NCK2: variants seen among roughly 807,000 people sequenced by gnomAD.
The protein encoded by NCK2 is cytoplasmic protein NCK2.
Under a neutral mutation model 33.9 loss-of-function variants are expected in NCK2, and 16 were observed. The observed-to-expected ratio is 0.47, with a 90% CI of 0.32 to 0.72. NCK2 has a LOEUF of 0.72. Ranked by LOEUF, NCK2 falls within the 30% of genes least tolerant of loss-of-function variation. The pLI, the probability that NCK2 is intolerant of heterozygous loss-of-function variation, is 0.03. For synonymous variants in NCK2, 273 were observed against 239.9 expected (o/e 1.14, Z -1.27); for missense variants, 418 against 537.3 (o/e 0.78, Z 2.19).
intron 1 of NCK2, among the ~76,000 whole-genome samples, chr2:105,782,559 G>C (rs940709558): frequency 6.6e-6 from 1 of 152,190 alleles, no homozygotes; most frequent in African/African-American, 2.4e-5. Flanking sequence ...TCTCACTCTT[G>C]AACTCCATGC....
chr2:105,834,756 C>A (rs575401303), intron 2 of NCK2, among the ~76,000 whole-genome samples: 23 of 152,184 alleles, frequency 1.5e-4, no homozygotes, highest in Admixed American at 1.4e-3. Flanking sequence ...TAGCCTTGAA[C>A]TGTTGGGTTT....
chr2:105,858,133 A>G (rs1347018549), intron 3 of NCK2, among the ~76,000 whole-genome samples: 1 of 151,884 alleles, frequency 6.6e-6, no homozygotes, highest in African/African-American at 2.4e-5. Flanking sequence ...ATAATTAAAC[A>G]GGTATACCAT....
intron 1 of NCK2, among the ~76,000 whole-genome samples, chr2:105,782,500 A>G (rs1690533200): frequency 6.6e-6 from 1 of 152,194 alleles, no homozygotes; most frequent in African/African-American, 2.4e-5. Context: ...TCTACACAAA[A>G]TCTCACTTGA....
At chr2:105,853,690 C>A (rs1372319567) in intron 2 of NCK2, among the ~76,000 whole-genome samples, 1 of 152,158 alleles carries the variant, frequency 6.6e-6, no homozygotes, top group Non-Finnish European at 1.5e-5. Flanking sequence ...GGGACTACTA[C>A]AGTAGGGTTT....
chr2:105,777,778 C>G lies in NCK2; in HGVS notation c.-201+32640C>G, dbSNP rs774505131. Among the ~76,000 whole-genome samples, 16 of 152,262 alleles carry G rather than the reference C, an allele frequency of 1.1e-4. No homozygotes were observed. In the Middle Eastern group the frequency reaches 0.014, roughly 129 times the overall value. On this transcript the variant is annotated intron_variant, in intron 1 of 4. Transcript: ENST00000233154. ...AGACCACTTGAAGCCCTGGTAGGAA[C>G]TGTTTGCTCCTGTCAAGCAGGAAAC...
Position 105,893,423 on chromosome 2 carries a change from A to C in NCK2, c.*247A>C. ...GGCGAGTTCACATTATTCCTTTTCCATCGGAAGTGGCGCTCGTGCATTCAA... is the reference window on the plus strand; with the variant it reads ...GGCGAGTTCACATTATTCCTTTTCCCTCGGAAGTGGCGCTCGTGCATTCAA... On this transcript the variant is annotated 3_prime_UTR_variant, in exon 5 of 5. Transcript: ENST00000233154. The C allele has an allele frequency of 1.2e-5, 5 of 434,576 alleles. No individual in the cohort carries two copies. The highest frequency in any genetic ancestry group is 1.7e-5 in the Non-Finnish European group (4 of 237,070). 26.9% of individuals were successfully genotyped at this position (434,576 alleles called of 1,614,324 possible). A position where few individuals can be genotyped will look rare whatever the true frequency, so the allele number is the denominator to read the frequency against.
intron 1 of NCK2, among the ~76,000 whole-genome samples, chr2:105,815,208 T>C (rs1253119546): frequency 6.6e-6 from 1 of 152,230 alleles, no homozygotes; most frequent in African/African-American, 2.4e-5. Context: ...TTTCCTTGCC[T>C]TAAATTATAT....
intron 1 of NCK2, among the ~76,000 whole-genome samples, chr2:105,785,346 T>G (rs1690640041): frequency 6.6e-6 from 1 of 152,068 alleles, no homozygotes; most frequent in Non-Finnish European, 1.5e-5. Flanking sequence ...CAGAGGACGG[T>G]TCCCCCGTCC....
intron 3 of NCK2, among the ~76,000 whole-genome samples, chr2:105,868,313 G>A (rs1004269085): frequency 1.3e-5 from 2 of 152,146 alleles, no homozygotes; most frequent in African/African-American, 4.8e-5. Flanking sequence ...CACAGATTTT[G>A]GGCACGCACT....
chr2:105,761,476 T>A (rs1689762564), intron 1 of NCK2, among the ~76,000 whole-genome samples: 1 of 152,190 alleles, frequency 6.6e-6, no homozygotes. Context: ...GGACACTACT[T>A]CCTGCTCCAC....
intron 2 of NCK2, among the ~76,000 whole-genome samples, chr2:105,854,276 G>T (rs1233942571): frequency 6.6e-6 from 1 of 152,106 alleles, no homozygotes; most frequent in Non-Finnish European, 1.5e-5. Context: ...AGGACATTTT[G>T]CTTGCTTCCA....
At chr2:105,795,680 A>C (rs1335447468) in intron 1 of NCK2, among the ~76,000 whole-genome samples, 1 of 152,176 alleles carries the variant, frequency 6.6e-6, no homozygotes, top group Non-Finnish European at 1.5e-5. Context: ...CAGGGTGTGG[A>C]TTGTTGTTAA....
chr2:105,882,936 C>A (rs535616547), intron 4 of NCK2, among the ~76,000 whole-genome samples: 36 of 152,254 alleles, frequency 2.4e-4, no homozygotes, highest in African/African-American at 8.4e-4. Flanking sequence ...GTATGTACTA[C>A]CTGCTGCCAC....
intron 2 of NCK2, among the ~76,000 whole-genome samples, chr2:105,818,913 C>T (rs1323201429): frequency 6.6e-6 from 1 of 152,146 alleles, no homozygotes; most frequent in African/African-American, 2.4e-5. Flanking sequence ...TCTCTTGGAA[C>T]CTTTTCAATT....
At chr2:105,834,398 G>A (rs1676311896) in intron 2 of NCK2, among the ~76,000 whole-genome samples, 1 of 151,782 alleles carries the variant, frequency 6.6e-6, no homozygotes, top group Non-Finnish European at 1.5e-5. Context: ...GACTTTCTTT[G>A]CCACTTTATG....
At chr2:105,851,437 T>G (rs1004709975) in intron 2 of NCK2, among the ~76,000 whole-genome samples, 1 of 152,162 alleles carries the variant, frequency 6.6e-6, no homozygotes, top group African/African-American at 2.4e-5. Flanking sequence ...CTGCTCTTTT[T>G]GTATTAGAGA....
intron 1 of NCK2, among the ~76,000 whole-genome samples, chr2:105,770,429 A>G (rs1052129689): frequency 6.6e-6 from 1 of 152,230 alleles, no homozygotes; most frequent in Non-Finnish European, 1.5e-5. Flanking sequence ...CCTGATTAAA[A>G]AGTACAGTGC....
chr2:105,876,032 A>C (rs1312216453), intron 3 of NCK2, among the ~76,000 whole-genome samples: 1 of 152,136 alleles, frequency 6.6e-6, no homozygotes, highest in Non-Finnish European at 1.5e-5. Context: ...ACATTATTGA[A>C]CAAGCTGTAG....
intron 1 of NCK2, among the ~76,000 whole-genome samples, chr2:105,795,734 G>A (rs9646959): frequency 0.22 from 33,031 of 151,966 alleles, 3,893 homozygotes; most frequent in Middle Eastern, 0.33. Flanking sequence ...AAGAATTACC[G>A]AAACGTCTGT....
Sources: gnomAD v4.1 joint callset for allele counts (sites outside exome capture counted in the v4.1 genomes callset) on GRCh38, gnomAD v4.1.1 for gene constraint, MANE v1.5 for transcripts, NCBI Gene and HGNC (gene_info 2026-07-23, HGNC 2026-07-21) for gene names.